CDKAL1: variants seen among roughly 807,000 people sequenced by gnomAD.
CDKAL1 encodes the protein CDKAL1 threonylcarbamoyladenosine tRNA methylthiotransferase, also known as threonylcarbamoyladenosine tRNA methylthiotransferase.
Under a neutral mutation model 68.2 loss-of-function variants are expected in CDKAL1, and 32 were observed. The ratio of observed to expected loss-of-function variants is 0.47; its 90% confidence interval spans 0.35 to 0.63. CDKAL1 has a LOEUF of 0.63. CDKAL1 is among the 30% of genes least tolerant of loss of function. The pLI is 0.00. For synonymous variants in CDKAL1, 234 were observed against 244.3 expected, an observed-to-expected ratio of 0.96 and a Z score of 0.39; for missense variants, 606 against 696.7, an observed-to-expected ratio of 0.87 and a Z score of 1.47.
chr6:20,610,308 C>G (rs1766561689), intron 4 of CDKAL1, among the ~76,000 whole-genome samples: 1 of 152,130 alleles, frequency 6.6e-6, no homozygotes, highest in Non-Finnish European at 1.5e-5. Flanking sequence ...AATGGGATTG[C>G]TGGGTTGAAT....
intron 11 of CDKAL1, among the ~76,000 whole-genome samples, chr6:21,055,924 C>T (rs1456799312): frequency 1.3e-5 from 2 of 152,066 alleles, no homozygotes. Context: ...ATTTCTGGTC[C>T]TAGGTCTTTG....
intron 4 of CDKAL1, among the ~76,000 whole-genome samples, chr6:20,580,341 G>A (rs371891845): frequency 2.0e-5 from 3 of 152,098 alleles, no homozygotes; most frequent in African/African-American, 7.2e-5. Context: ...ATGTGTGTAG[G>A]CGTTAGCTGC....
chr6:20,640,666 A>G (rs1214615094), intron 4 of CDKAL1, among the ~76,000 whole-genome samples: 2 of 152,158 alleles, frequency 1.3e-5, no homozygotes, highest in Non-Finnish European at 2.9e-5. Flanking sequence ...TACTTATTTT[A>G]GTTTTTAGAT....
intron 11 of CDKAL1, among the ~76,000 whole-genome samples, chr6:21,002,366 T>C (rs1767471720): frequency 6.6e-6 from 1 of 152,270 alleles, no homozygotes; most frequent in Admixed American, 6.5e-5. Context: ...GAGAAGATAT[T>C]GGAGATGCCT....
chr6:20,579,312 A>C (rs1047672243), intron 4 of CDKAL1, among the ~76,000 whole-genome samples: 5 of 152,158 alleles, frequency 3.3e-5, no homozygotes, highest in Non-Finnish European at 7.4e-5. Context: ...AAGTTGCAAA[A>C]TATACATGAA....
intron 9 of CDKAL1, among the ~76,000 whole-genome samples, chr6:20,919,801 C>T (rs1762869384): frequency 6.6e-6 from 1 of 152,194 alleles, no homozygotes; most frequent in Non-Finnish European, 1.5e-5. Flanking sequence ...CATCCTCCCA[C>T]AATAGAACTC....
At chr6:20,892,046 A>G (rs776136736) in intron 9 of CDKAL1, among the ~76,000 whole-genome samples, 2 of 152,220 alleles carry the variant, frequency 1.3e-5, no homozygotes, top group African/African-American at 2.4e-5. Flanking sequence ...TGTATTAAAA[A>G]TAAGTGTTTG....
intron 13 of CDKAL1, among the ~76,000 whole-genome samples, chr6:21,126,617 C>T (rs923294247): frequency 1.3e-5 from 2 of 152,134 alleles, no homozygotes; most frequent in Non-Finnish European, 2.9e-5. Context: ...TCCCACCCCT[C>T]ATGAATCAGT....
intron 9 of CDKAL1, among the ~76,000 whole-genome samples, chr6:20,940,959 G>C (rs1031227631): frequency 2.0e-5 from 3 of 152,102 alleles, no homozygotes; most frequent in Middle Eastern, 3.4e-3. Context: ...GCGTGGTGGT[G>C]GGCGCCTGTA....
intron 11 of CDKAL1, among the ~76,000 whole-genome samples, chr6:21,025,620 T>C (rs1312977841): frequency 1.3e-5 from 2 of 152,092 alleles, no homozygotes; most frequent in East Asian, 3.8e-4. Flanking sequence ...TTAACTATTA[T>C]TTTCTCCAGG....
intron 8 of CDKAL1, among the ~76,000 whole-genome samples, chr6:20,801,243 G>A (rs970734535): frequency 6.6e-6 from 1 of 152,144 alleles, no homozygotes; most frequent in African/African-American, 2.4e-5. Flanking sequence ...TTCATCTTGG[G>A]TTTTTCCCTG....
intron 8 of CDKAL1, among the ~76,000 whole-genome samples, chr6:20,840,776 C>G (rs2150484124): frequency 6.6e-6 from 1 of 152,254 alleles, no homozygotes; most frequent in South Asian, 2.1e-4. Flanking sequence ...TTTGAAAGAT[C>G]AAAAAGTAAT....
chr6:20,926,086 A>G (rs16884302), intron 9 of CDKAL1, among the ~76,000 whole-genome samples: 1 of 152,092 alleles, frequency 6.6e-6, no homozygotes, highest in East Asian at 1.9e-4. Flanking sequence ...TTAGTAAACA[A>G]TGAAAAACAT....
chr6:20,880,054 A>G (rs1381541230), intron 9 of CDKAL1, among the ~76,000 whole-genome samples: 2 of 152,152 alleles, frequency 1.3e-5, no homozygotes. Flanking sequence ...TTTATGAACA[A>G]ATTCTGTGTC....
chr6:21,067,537 G>C (rs918966796), intron 12 of CDKAL1, among the ~76,000 whole-genome samples: 1 of 152,156 alleles, frequency 6.6e-6, no homozygotes, highest in African/African-American at 2.4e-5. Context: ...GCGTGAACCT[G>C]GGAGGTGGAG....
chr6:21,058,975 C>CT (rs1187693703), intron 11 of CDKAL1, among the ~76,000 whole-genome samples: 3 of 152,202 alleles, frequency 2.0e-5, no homozygotes, highest in Admixed American at 1.3e-4. Flanking sequence ...TCCCCATCAT[C>CT]TGGAGTGCCC....
chr6:21,065,762 CAT>C (rs796195426), intron 12 of CDKAL1, among the ~76,000 whole-genome samples: 7 of 149,718 alleles, frequency 4.7e-5, no homozygotes, highest in African/African-American at 1.7e-4. Flanking sequence ...TTAGATGACT[CAT>C]AATGAATGTG....
intron 4 of CDKAL1, among the ~76,000 whole-genome samples, chr6:20,646,635 G>C (rs1768477194): frequency 6.6e-6 from 1 of 152,064 alleles, no homozygotes; most frequent in Admixed American, 6.6e-5. Flanking sequence ...GGGTCCTATG[G>C]TAAGAGTTAT....
intron 15 of CDKAL1, among the ~76,000 whole-genome samples, chr6:21,215,218 C>T (rs1779299381): frequency 1.3e-5 from 2 of 152,200 alleles, no homozygotes; most frequent in Admixed American, 1.3e-4. Context: ...GCTCCGCATG[C>T]CTCATCCTTC....
Sources: allele counts gnomAD v4.1 joint callset (sites outside exome capture counted in the v4.1 genomes callset), GRCh38; gene constraint gnomAD v4.1.1; transcripts MANE v1.5; gene names NCBI Gene and HGNC (gene_info 2026-07-23, HGNC 2026-07-21).